Variants in NXPE4 observed in about 807,000 individuals in gnomAD.
NXPE4 encodes NXPE family member 4.
In NXPE4, 42 loss-of-function variants were observed where a neutral mutation model predicts 33.3. That is an observed-to-expected ratio of 1.26 (90% confidence interval 0.98 to 1.63). The LOEUF is 1.63. Ranked by LOEUF, NXPE4 falls within the 40% of genes most tolerant of loss-of-function variation. The pLI, the probability that NXPE4 is intolerant of heterozygous loss-of-function variation, is 0.00. For synonymous variants in NXPE4, 253 were observed against 234.9 expected (o/e 1.08, Z -0.71); for missense variants, 709 against 647.6 (o/e 1.09, Z -1.03).
the NXPE4 span, among the ~76,000 whole-genome samples, chr11:114,674,052 G>A: frequency 6.6e-6 from 1 of 151,594 alleles, no homozygotes; most frequent in Non-Finnish European, 1.5e-5. Context: ...ATTTCAAAAG[G>A]AGAGAAGGGG....
At chr11:114,607,425 A>G in the NXPE4 span, among the ~76,000 whole-genome samples, 1 of 147,942 alleles carries the variant, frequency 6.8e-6, no homozygotes, top group Non-Finnish European at 1.5e-5. Flanking sequence ...GATAATATGT[A>G]TTTCCTCGTG....
At chr11:114,651,516 A>G in the NXPE4 span, among the ~76,000 whole-genome samples, 2 of 152,228 alleles carry the variant, frequency 1.3e-5, no homozygotes, top group Non-Finnish European at 2.9e-5. Flanking sequence ...AACCTGCCAC[A>G]GCATGGAAGA....
chr11:114,587,678 G>A (rs1227791700), intron 2 of NXPE4, among the ~76,000 whole-genome samples: 2 of 152,286 alleles, frequency 1.3e-5, no homozygotes, highest in Admixed American at 6.5e-5. Flanking sequence ...CAGTTGGGGG[G>A]ATGCCCCCAC....
chr11:114,590,841 T>G (rs1415807021), intron 2 of NXPE4, among the ~76,000 whole-genome samples: 2 of 152,172 alleles, frequency 1.3e-5, no homozygotes, highest in Non-Finnish European at 2.9e-5. Context: ...CCCCACACAA[T>G]GTAGCAGGAT....
the NXPE4 span, among the ~76,000 whole-genome samples, chr11:114,647,857 G>A: frequency 6.6e-6 from 1 of 151,820 alleles, no homozygotes; most frequent in Admixed American, 6.6e-5. Context: ...GCCTGCCACT[G>A]TGCATGGCTA....
the NXPE4 span, among the ~76,000 whole-genome samples, chr11:114,660,078 C>T: frequency 6.6e-6 from 1 of 151,984 alleles, no homozygotes; most frequent in East Asian, 1.9e-4. Context: ...ACACAAACTA[C>T]CAACATTCAC....
chr11:114,624,979 G>A, the NXPE4 span, among the ~76,000 whole-genome samples: 2 of 151,668 alleles, frequency 1.3e-5, no homozygotes, highest in Non-Finnish European at 2.9e-5. Context: ...TGGATAGTAA[G>A]TGTTGCCTCG....
upstream of NXPE4, among the ~76,000 whole-genome samples, chr11:114,598,546 T>C (rs1160708548): frequency 6.6e-6 from 1 of 152,220 alleles, no homozygotes; most frequent in African/African-American, 2.4e-5. Context: ...GAAATCTAAG[T>C]AGAGTCTCTC....
the NXPE4 span, among the ~76,000 whole-genome samples, chr11:114,633,521 G>C: frequency 1.3e-5 from 2 of 150,874 alleles, no homozygotes; most frequent in Non-Finnish European, 2.9e-5. Context: ...GTGCAGGTTA[G>C]TTATCCATAT....
At chr11:114,640,128 ATATAT>A in the NXPE4 span, among the ~76,000 whole-genome samples, 75 of 120,336 alleles carry the variant, frequency 6.2e-4, 1 homozygote, top group East Asian at 7.0e-3. Context: ...GTTATATGTA[ATATAT>A]TATATATAAT....
At chr11:114,630,665 T>G in the NXPE4 span, among the ~76,000 whole-genome samples, 9 of 150,524 alleles carry the variant, frequency 6.0e-5, no homozygotes, top group African/African-American at 2.2e-4. Flanking sequence ...AAGCCAAAAT[T>G]GACAAATGGG....
At chr11:114,674,060 G>A in the NXPE4 span, among the ~76,000 whole-genome samples, 1 of 151,290 alleles carries the variant, frequency 6.6e-6, no homozygotes, top group Non-Finnish European at 1.5e-5. Flanking sequence ...AGGAGAGAAG[G>A]GGCCTCCAGG....
At chr11:114,643,250 T>C in the NXPE4 span, among the ~76,000 whole-genome samples, 78,940 of 151,794 alleles carry the variant, frequency 0.52, 21,512 homozygotes, top group African/African-American at 0.65. Context: ...TGCAGAAGCT[T>C]TTTAGTTTAA....
At chr11:114,642,425 C>A in the NXPE4 span, among the ~76,000 whole-genome samples, 6 of 151,728 alleles carry the variant, frequency 4.0e-5, no homozygotes, top group African/African-American at 1.5e-4. Context: ...CCTCCCCACT[C>A]CCCCCAGCCC....
chr11:114,649,939 C>T, the NXPE4 span, among the ~76,000 whole-genome samples: 1 of 152,120 alleles, frequency 6.6e-6, no homozygotes, highest in Non-Finnish European at 1.5e-5. Context: ...TTCAATTGTA[C>T]ATTTGAAATG....
chr11:114,627,796 A>G, the NXPE4 span, among the ~76,000 whole-genome samples: 1 of 152,148 alleles, frequency 6.6e-6, no homozygotes, highest in East Asian at 1.9e-4. Flanking sequence ...AGAGACACAC[A>G]TGGGCTCAAA....
the NXPE4 span, among the ~76,000 whole-genome samples, chr11:114,605,765 TCA>T: frequency 6.6e-6 from 1 of 151,222 alleles, no homozygotes; most frequent in Non-Finnish European, 1.5e-5. Context: ...CCTAGGGTAA[TCA>T]CTGTTAACCA....
the NXPE4 span, among the ~76,000 whole-genome samples, chr11:114,631,580 G>A: frequency 3.3e-5 from 5 of 151,638 alleles, 1 homozygote; most frequent in Non-Finnish European, 5.9e-5. Context: ...GTTAGATGAC[G>A]AGTTAGTGGG....
chr11:114,594,881 G>T, intron 1 of NXPE4, 112 bp from the exon 2 acceptor site: 1 of 601,734 alleles, frequency 1.7e-6, no homozygotes, highest in Non-Finnish European at 2.9e-6. Context: ...TTTAGCCTCA[G>T]ATAAATAACT....
Sources: gnomAD v4.1 joint callset for allele counts (sites outside exome capture counted in the v4.1 genomes callset) on GRCh38, gnomAD v4.1.1 for gene constraint, MANE v1.5 for transcripts, NCBI Gene and HGNC (gene_info 2026-07-23, HGNC 2026-07-21) for gene names.